Variants in FAM118A observed in about 807,000 individuals in gnomAD.
FAM118A encodes SIR2 antiphage like 2.
FAM118A carries 25 observed loss-of-function variants against 38.2 expected under a neutral mutation model. The observed-to-expected ratio is 0.65, with a 90% CI of 0.48 to 0.91. FAM118A has a LOEUF of 0.91. Ranked by LOEUF, FAM118A falls within the 40% of genes least tolerant of loss-of-function variation. The pLI is 0.00. For missense variants in FAM118A, 425 were observed against 463.3 expected (o/e 0.92, Z 0.76); for synonymous variants, 178 against 184.1 (o/e 0.97, Z 0.27).
intron 1 of FAM118A, among the ~76,000 whole-genome samples, chr22:45,317,823 C>T (rs1443074967): frequency 6.6e-6 from 1 of 152,212 alleles, no homozygotes; most frequent in Admixed American, 6.5e-5. Context: ...CTCTGCAGGG[C>T]AGAATTCCAC....
rs2086425141 is a variant in FAM118A at position 45,340,836 on chromosome 22, CTG to C, written c.*433_*434del. On this transcript the variant is annotated 3_prime_UTR_variant, in exon 9 of 9. Transcript: ENST00000441876. ...TTTTTTTTTGAGTCAGAGTCTCACTCTGTCACCCAGGACAGAGTGCAGTGGTA... is the reference window on the plus strand; with the variant it reads ...TTTTTTTTTGAGTCAGAGTCTCACTCTCACCCAGGACAGAGTGCAGTGGTA... The C allele has an allele frequency of 5.3e-6, 1 of 189,204 alleles. No homozygotes were observed. The highest frequency in any genetic ancestry group is 2.4e-5 in the African/African-American group (1 of 42,290). 11.7% of individuals were successfully genotyped at this position (189,204 alleles called of 1,614,324 possible). A position where few individuals can be genotyped will look rare whatever the true frequency, so the allele number is the denominator to read the frequency against.
rs1429184944 is a variant in FAM118A, at chr22:45,341,193, A to G, written c.*788A>G. The stretch of plus-strand genomic sequence containing the variant: ...TTTTAAAGGTCCACTGTTAAATAGT[A>G]AAGAATGAATCCGCTAGCGAAAATG... On this transcript the variant is annotated 3_prime_UTR_variant, in exon 9 of 9. Coordinates refer to ENST00000441876, the MANE Select transcript of FAM118A (RefSeq NM_017911.4). 1.3e-5 allele frequency: 2 copies of G among 152,270 alleles called. No individual in the cohort carries two copies. Among genetic ancestry groups the G allele is most frequent in the African/African-American group, 4.8e-5 (2 of 41,474 alleles). 9.4% of individuals were successfully genotyped at this position (152,270 alleles called of 1,614,324 possible).
At chr22:45,328,630 C>A in intron 4 of FAM118A, 2 of 533,466 alleles carry the variant, frequency 3.7e-6, no homozygotes, top group Non-Finnish European at 6.4e-6. Flanking sequence ...GACCCTTTCT[C>A]TTAAAAAAAA....
At chr22:45,312,183 A>G (rs1328171398) in intron 1 of FAM118A, among the ~76,000 whole-genome samples, 2 of 152,216 alleles carry the variant, frequency 1.3e-5, no homozygotes, top group African/African-American at 4.8e-5. Flanking sequence ...GCGGGCAGTC[A>G]TTTGTGCAAG....
intron 1 of FAM118A, chr22:45,318,960 C>T (rs920923395): frequency 6.6e-6 from 1 of 152,270 alleles, no homozygotes; most frequent in East Asian, 1.9e-4. Context: ...TGGCCTGTTA[C>T]GTAAGTGTTA....
chr22:45,309,779 A>G (rs940288397), upstream of FAM118A: 2 of 150,024 alleles, frequency 1.3e-5, no homozygotes, highest in Non-Finnish European at 3.0e-5. Flanking sequence ...GTGGTCACCG[A>G]GGTGGGCGGT....
intron 8 of FAM118A, among the ~76,000 whole-genome samples, chr22:45,340,095 T>C (rs145959950): frequency 1.3e-5 from 2 of 152,302 alleles, no homozygotes; most frequent in East Asian, 3.9e-4. Context: ...TTTGTTGAAA[T>C]TGCCCCATCC....
At chr22:45,315,876 G>A (rs1450440029) in intron 1 of FAM118A, among the ~76,000 whole-genome samples, 2 of 152,198 alleles carry the variant, frequency 1.3e-5, no homozygotes, top group Non-Finnish European at 2.9e-5. Flanking sequence ...CCTCTCCTTT[G>A]CAGTTCCAGA....
chr22:45,326,464 G>T (rs1030322068), intron 3 of FAM118A, among the ~76,000 whole-genome samples: 1 of 152,156 alleles, frequency 6.6e-6, no homozygotes, highest in Non-Finnish European at 1.5e-5. Flanking sequence ...AAGGTGGGCA[G>T]ATCACTTGAG....
intron 1 of FAM118A, chr22:45,322,048 G>A: frequency 2.1e-6 from 1 of 474,724 alleles, no homozygotes; most frequent in Non-Finnish European, 3.7e-6. Context: ...CTAGAGCAGT[G>A]TCCCAAGAGA....
intron 6 of FAM118A, among the ~76,000 whole-genome samples, chr22:45,333,033 G>A (rs1486192559): frequency 6.6e-6 from 1 of 151,952 alleles, no homozygotes; most frequent in Non-Finnish European, 1.5e-5. Context: ...GAGAGCCACC[G>A]CGCCCGGCCT....
chr22:45,313,319 GTTTTTTTT>G (rs11322212), intron 1 of FAM118A, among the ~76,000 whole-genome samples: 1 of 112,682 alleles, frequency 8.9e-6, no homozygotes, highest in African/African-American at 3.0e-5. Flanking sequence ...TGTCGTGAGG[GTTTTTTTT>G]TTTTTTTTTT....
At chr22:45,309,880 G>A (rs2084286803), upstream of FAM118A, 1 of 152,146 alleles carries the variant, frequency 6.6e-6, no homozygotes, top group Admixed American at 6.6e-5. Flanking sequence ...CGGGGCCGTT[G>A]GTTTCGGGAC....
upstream of FAM118A, chr22:45,309,851 GCGGGGCCTCCGGGGA>G (rs2084285431): frequency 6.6e-6 from 1 of 152,158 alleles, no homozygotes; most frequent in Non-Finnish European, 1.5e-5. Flanking sequence ...CTTCCCCGGG[GCGGGGCCTCCGGGGA>G]CCGCGGGGCC....
intron 1 of FAM118A, among the ~76,000 whole-genome samples, chr22:45,312,659 G>A (rs2084422891): frequency 1.3e-5 from 2 of 152,202 alleles, no homozygotes; most frequent in Non-Finnish European, 2.9e-5. Flanking sequence ...GGGAGACAGA[G>A]CAAGACTGTC....
chr22:45,323,071 G>GTA (rs1472704677), intron 2 of FAM118A, 104 bp from the exon 3 acceptor site: 4 of 1,191,140 alleles, frequency 3.4e-6, no homozygotes, highest in Admixed American at 1.9e-5. Context: ...GTGTGTGTGT[G>GTA]TGTGTACACA....
chr22:45,324,221 C>T (rs2085089496), intron 3 of FAM118A, among the ~76,000 whole-genome samples: 1 of 152,224 alleles, frequency 6.6e-6, no homozygotes, highest in African/African-American at 2.4e-5. Flanking sequence ...AACCACATGG[C>T]TTCATGTGAG....
At chr22:45,313,809 G>A (rs1302866086) in intron 1 of FAM118A, among the ~76,000 whole-genome samples, 3 of 152,178 alleles carry the variant, frequency 2.0e-5, no homozygotes, top group Admixed American at 6.5e-5. Flanking sequence ...CACACTGGCC[G>A]CTTGTGGCCG....
At chr22:45,335,221 C>G in intron 6 of FAM118A, 129 bp from the exon 7 acceptor site, 1 of 949,742 alleles carries the variant, frequency 1.1e-6, no homozygotes, top group Non-Finnish European at 1.6e-6. Context: ...GAGTCCGCAG[C>G]CCGCGCGGGC....
Sources: allele counts gnomAD v4.1 joint callset (sites outside exome capture counted in the v4.1 genomes callset), GRCh38; gene constraint gnomAD v4.1.1; transcripts MANE v1.5; gene names NCBI Gene and HGNC (gene_info 2026-07-23, HGNC 2026-07-21).